The following NOS1 variants were observed in gnomAD, a reference collection of about 807,000 sequenced individuals.
NOS1 encodes nitric oxide synthase 1, also known as NOS type I.
NOS1 carries 51 observed loss-of-function variants against 164.5 expected under a neutral mutation model. The ratio of observed to expected loss-of-function variants is 0.31; its 90% CI spans 0.25 to 0.39. The LOEUF (loss-of-function observed/expected upper bound fraction) is 0.39, where lower values mean the gene tolerates loss of function less well. Among genes scored for constraint, NOS1 ranks in the 10% least tolerant of loss-of-function variants. The pLI, the probability that NOS1 is intolerant of heterozygous loss-of-function variation, is 1.00. For synonymous variants in NOS1, 719 were observed against 745.8 expected, an observed-to-expected ratio of 0.96 and a Z score of 0.59; for missense variants, 1,362 against 1,885.6, an observed-to-expected ratio of 0.72 and a Z score of 5.14.
chr12:117,314,764 G>A (rs1035988817), intron 2 of NOS1, among the ~76,000 whole-genome samples: 26 of 151,872 alleles, frequency 1.7e-4, no homozygotes, highest in African/African-American at 5.1e-4. Flanking sequence ...ACACCACCAC[G>A]CCCAGCTAAT....
At chr12:117,248,713 G>C in intron 17 of NOS1, among the ~76,000 whole-genome samples, 1 of 152,096 alleles carries the variant, frequency 6.6e-6, no homozygotes, top group East Asian at 1.9e-4. Context: ...TATATACCCA[G>C]TAATGGGATG....
chr12:117,209,682 T>C lies in NOS1; in HGVS notation c.*5627A>G. 1.0e-6 allele frequency: 1 copy of C among 985,494 alleles called. No homozygotes were observed. The highest frequency in any genetic ancestry group is 1.2e-6 in the Non-Finnish European group (1 of 829,950). The allele number at this position is 985,494 out of a possible 1,614,324, so 61.0% of individuals were successfully genotyped here. A position where few individuals can be genotyped will look rare whatever the true frequency, so the allele number is the denominator to read the frequency against. The stretch of plus-strand genomic sequence containing the variant: ...CTCCCTCGCACATGGCTTTGATAAG[T>C]ATTAATAGGAAACAGACTCTCGACA... On this transcript the variant is annotated 3_prime_UTR_variant, in exon 29 of 29. Coordinates refer to ENST00000317775, the MANE Select transcript of NOS1 (RefSeq NM_000620.5).
In NOS1 at chr12:117,234,906, C is replaced by CTATTAT. The variant is rs10588671; in HGVS notation, c.3042-154_3042-149dup. 81 of 439,896 alleles carry CTATTAT rather than the reference C, an allele frequency of 1.8e-4. No homozygotes were observed. The Middle Eastern group carries it at 1.8e-3, about 10-fold the overall frequency. 27.2% of individuals were successfully genotyped at this position (439,896 alleles called of 1,614,324 possible). A position where few individuals can be genotyped will look rare whatever the true frequency, so the allele number is the denominator to read the frequency against. ...TAACCAAGCCTATGCCCCCATCATT[C>CTATTAT]TATTATTATTATTATTATTATTATT... On this transcript the variant is annotated intron_variant, in intron 20 of 28. Coordinates refer to ENST00000317775, the MANE Select transcript of NOS1 (RefSeq NM_000620.5). The surrounding 1 kb of genome is among the most constrained non-coding windows in gnomAD (Gnocchi z 4.3).
intron 2 of NOS1, among the ~76,000 whole-genome samples, chr12:117,327,690 C>T (rs2136071753): frequency 6.6e-6 from 1 of 152,308 alleles, no homozygotes; most frequent in Admixed American, 6.5e-5. Flanking sequence ...TCACACAATG[C>T]TGTGTGTATT....
intron 1 of NOS1, among the ~76,000 whole-genome samples, chr12:117,340,871 C>CTTTTTTTTTTTTTT (rs775978271): frequency 1.6e-4 from 15 of 96,434 alleles, no homozygotes; most frequent in East Asian, 5.5e-4. Flanking sequence ...TCACACCTGG[C>CTTTTTTTTTTTTTT]TATTTTTTTT....
chr12:117,295,685 T>TTGGCTCAC (rs1226023873), intron 3 of NOS1, among the ~76,000 whole-genome samples: 1 of 150,698 alleles, frequency 6.6e-6, no homozygotes, highest in Non-Finnish European at 1.5e-5. Flanking sequence ...TGGTGTGATC[T>TTGGCTCAC]TGGCTCACTG....
intron 1 of NOS1, chr12:117,347,931 C>T (rs1445627255): frequency 6.6e-6 from 1 of 152,038 alleles, no homozygotes; most frequent in African/African-American, 2.4e-5. Context: ...TCAAACCAGT[C>T]CTTGCATACT....
intron 16 of NOS1, among the ~76,000 whole-genome samples, chr12:117,254,528 C>T (rs1444925570): frequency 6.6e-6 from 1 of 152,210 alleles, no homozygotes; most frequent in Non-Finnish European, 1.5e-5. Flanking sequence ...CCAGGAGATG[C>T]CAGTGTCTCC....
At chr12:117,233,923 T>G (rs1199774378) in intron 21 of NOS1, among the ~76,000 whole-genome samples, 1 of 151,396 alleles carries the variant, frequency 6.6e-6, no homozygotes, top group Non-Finnish European at 1.5e-5. Context: ...TGACTTTACA[T>G]CCTAGCTCTT....
At chr12:117,237,537 C>A (rs1474335192) in intron 20 of NOS1, among the ~76,000 whole-genome samples, 1 of 152,034 alleles carries the variant, frequency 6.6e-6, no homozygotes, top group Non-Finnish European at 1.5e-5. Context: ...GGCCCTATTC[C>A]CTTCTCCCCC....
Position 117,331,116 on chromosome 12 carries a change from TCA to T in NOS1, c.-49_-48del, listed in dbSNP as rs1566079594. On this transcript the variant is annotated 5_prime_UTR_variant, in exon 2 of 29. Coordinates refer to ENST00000317775, the MANE Select transcript of NOS1 (RefSeq NM_000620.5). ...CCTGTCTGAAGACCTCACAATGCTATCAGGCCAAGATGATTTCACCAGGAGGA... is the reference window on the plus strand; with the variant it reads ...CCTGTCTGAAGACCTCACAATGCTATGGCCAAGATGATTTCACCAGGAGGA... 9.6e-6 allele frequency: 15 copies of T among 1,566,088 alleles called. No individual in the cohort carries two copies. The highest frequency in any genetic ancestry group is 1.3e-5 in the Non-Finnish European group (15 of 1,153,566).
At chr12:117,244,379 C>G (rs535657681) in intron 18 of NOS1, among the ~76,000 whole-genome samples, 1 of 152,282 alleles carries the variant, frequency 6.6e-6, no homozygotes, top group Non-Finnish European at 1.5e-5. Context: ...TCCCAGGTAG[C>G]TGGGATTACA....
At chr12:117,247,648 G>T in intron 17 of NOS1, 126 bp from the exon 18 acceptor site, 4 of 805,514 alleles carry the variant, frequency 5.0e-6, no homozygotes, top group Non-Finnish European at 7.4e-6. Context: ...CCTCACAATT[G>T]TATTTTGAGA....
intron 26 of NOS1, among the ~76,000 whole-genome samples, 169 bp from the exon 27 acceptor site, chr12:117,220,438 G>A (rs1163888555): frequency 6.6e-6 from 1 of 152,238 alleles, no homozygotes; most frequent in Non-Finnish European, 1.5e-5. Context: ...GTGAGATAGA[G>A]AAGGCGGGAA....
At position 117,208,895 on chromosome 12, in the gene NOS1, G is replaced by C. The variant is rs1956485659; in HGVS notation, c.*6414C>G. 1 of 625,542 alleles carries C rather than the reference G, an allele frequency of 1.6e-6. No homozygotes were observed. The highest frequency in any genetic ancestry group is 2.0e-6 in the Non-Finnish European group (1 of 501,012). 38.7% of individuals were successfully genotyped at this position (625,542 alleles called of 1,614,324 possible). A position where few individuals can be genotyped will look rare whatever the true frequency, so the allele number is the denominator to read the frequency against. ...CCGCCACCACGCCGGGCTGATTTTTGTATTTTTAGTAGAGACGAGGTTTTG... is the reference window on the plus strand; with the variant it reads ...CCGCCACCACGCCGGGCTGATTTTTCTATTTTTAGTAGAGACGAGGTTTTG... On this transcript the variant is annotated 3_prime_UTR_variant, in exon 29 of 29. Transcript: ENST00000317775.
chr12:117,319,108 G>A (rs1874795310), intron 2 of NOS1, among the ~76,000 whole-genome samples: 1 of 152,160 alleles, frequency 6.6e-6, no homozygotes, highest in Non-Finnish European at 1.5e-5. Flanking sequence ...CTAAAGTACA[G>A]TGGCATGATC....
intron 16 of NOS1, chr12:117,255,968 G>A (rs780196865): frequency 1.1e-5 from 17 of 1,486,324 alleles, no homozygotes; most frequent in African/African-American, 4.4e-5. Flanking sequence ...CAGCCAGACC[G>A]TGGACTTCTG....
chr12:117,330,165 T>C lies in NOS1; in HGVS notation c.725+180A>G, dbSNP rs1280783646. Among the ~76,000 whole-genome samples, 1 of 152,146 alleles carries C rather than the reference T, an allele frequency of 6.6e-6. No homozygotes were observed. The highest frequency in any genetic ancestry group is 1.5e-5 in the Non-Finnish European group (1 of 68,032). ...CTAGAAGCTATGCCCTGTGGCCTCT[T>C]GTGAATGTAATTTTAAGTGAAGATC... On this transcript the variant is annotated intron_variant, in intron 2 of 28. Coordinates refer to ENST00000317775, the MANE Select transcript of NOS1 (RefSeq NM_000620.5). The surrounding 1 kb of genome is among the most constrained non-coding windows in gnomAD (Gnocchi z 4.6).
At chr12:117,265,007 A>C (rs1872273237) in intron 12 of NOS1, among the ~76,000 whole-genome samples, 1 of 151,064 alleles carries the variant, frequency 6.6e-6, no homozygotes, top group Non-Finnish European at 1.5e-5. Context: ...CCAGCCTGCT[A>C]ATTAAAAAAA....
Sources: allele counts gnomAD v4.1 joint callset (sites outside exome capture counted in the v4.1 genomes callset), GRCh38; gene constraint gnomAD v4.1.1; non-coding constraint Gnocchi (gnomAD v3.1); transcripts MANE v1.5; gene names NCBI Gene and HGNC (gene_info 2026-07-23, HGNC 2026-07-21).